The following LRRTM4 variants were observed in gnomAD, a reference collection of about 807,000 sequenced individuals.
LRRTM4 encodes leucine rich repeat transmembrane neuronal 4.
In LRRTM4, 25 loss-of-function variants were observed where a neutral mutation model predicts 47.6. That is an observed-to-expected ratio of 0.53 (90% CI 0.38 to 0.73). The LOEUF is 0.73. LRRTM4 is among the 30% of genes least tolerant of loss of function. The pLI is 0.00. For missense variants in LRRTM4, 638 were observed against 713.4 expected, an observed-to-expected ratio of 0.89 and a Z score of 1.20; for synonymous variants, 311 against 269.5, an observed-to-expected ratio of 1.15 and a Z score of -1.51.
intron 3 of LRRTM4, among the ~76,000 whole-genome samples, chr2:77,212,025 C>T (rs933345576): frequency 1.3e-5 from 2 of 151,988 alleles, no homozygotes; most frequent in Non-Finnish European, 2.9e-5. Flanking sequence ...GCATGTTATG[C>T]ATATTGTGAT....
intron 3 of LRRTM4, among the ~76,000 whole-genome samples, chr2:76,873,029 G>A (rs934278088): frequency 1.3e-5 from 2 of 152,036 alleles, no homozygotes; most frequent in Admixed American, 1.3e-4. Context: ...GTAGAATGAT[G>A]AGCCAAATAA....
At chr2:77,411,693 AT>A (rs1466884185) in intron 3 of LRRTM4, among the ~76,000 whole-genome samples, 3 of 129,858 alleles carry the variant, frequency 2.3e-5, no homozygotes, top group African/African-American at 9.1e-5. Flanking sequence ...GATGGTCTCG[AT>A]CTCCTGACCT....
intron 3 of LRRTM4, among the ~76,000 whole-genome samples, chr2:77,362,170 A>AAAGAAAGAAAGGAAGGAAGGAAGGAAGG (rs1282143102): frequency 1.4e-4 from 19 of 133,594 alleles, no homozygotes; most frequent in African/African-American, 5.9e-4. Flanking sequence ...AGAAAGAAAG[A>AAAGAAAGAAAGGAAGGAAGGAAGGAAGG]AAGGAAGGAA....
intron 3 of LRRTM4, among the ~76,000 whole-genome samples, chr2:77,168,137 C>T (rs536965355): frequency 1.2e-4 from 19 of 152,024 alleles, no homozygotes; most frequent in South Asian, 8.3e-4. Context: ...AAATGGAATC[C>T]GGTGATCTCT....
At position 77,262,312 on chromosome 2, in the gene LRRTM4, T is replaced by C. The variant is rs192802332; in HGVS notation, c.1551+256006A>G. ...AAAACCATTCCCCCACCCCAGTCCA[T>C]AGAAAAATTGTCTTCCACAAAACCA... is the stretch of plus-strand genomic sequence containing the variant. On this transcript the variant is annotated intron_variant, in intron 3 of 3. Transcript: ENST00000409884. Among the ~76,000 whole-genome samples the C allele has an allele frequency of 1.3e-3, 195 of 152,102 alleles. 1 individual carries two copies. The highest frequency in any genetic ancestry group is 2.1e-3 in the South Asian group (10 of 4,824).
chr2:76,936,598 A>G (rs572138014), intron 3 of LRRTM4, among the ~76,000 whole-genome samples: 17 of 151,130 alleles, frequency 1.1e-4, no homozygotes, highest in South Asian at 2.1e-4. Context: ...AAAAAAAAAA[A>G]AAAGAAAGAA....
intron 3 of LRRTM4, among the ~76,000 whole-genome samples, chr2:77,232,160 C>T (rs533956732): frequency 1.3e-5 from 2 of 152,222 alleles, no homozygotes; most frequent in South Asian, 4.1e-4. Context: ...AATACTGAAA[C>T]CCAGACCTGT....
chr2:76,989,732 A>G (rs1482557512), intron 3 of LRRTM4: 1 of 151,972 alleles, frequency 6.6e-6, no homozygotes, highest in East Asian at 1.9e-4. Context: ...GCTTATTATT[A>G]CTATTGTTTT....
intron 3 of LRRTM4, among the ~76,000 whole-genome samples, chr2:77,161,195 G>A (rs926582981): frequency 1.3e-5 from 2 of 152,206 alleles, no homozygotes; most frequent in South Asian, 2.1e-4. Flanking sequence ...AGTCACAAAT[G>A]CTATTGTGAA....
chr2:77,296,970 A>C (rs1466697435), intron 3 of LRRTM4, among the ~76,000 whole-genome samples: 1 of 152,202 alleles, frequency 6.6e-6, no homozygotes, highest in African/African-American at 2.4e-5. Flanking sequence ...GGCTCAGCAC[A>C]GGGGAGCAGA....
intron 3 of LRRTM4, among the ~76,000 whole-genome samples, chr2:77,185,395 CA>C (rs1389398657): frequency 6.6e-6 from 1 of 152,110 alleles, no homozygotes; most frequent in Non-Finnish European, 1.5e-5. Flanking sequence ...CTCCATCCAC[CA>C]GATGCATGCA....
intron 3 of LRRTM4, among the ~76,000 whole-genome samples, chr2:76,927,696 T>A (rs138621098): frequency 6.6e-6 from 1 of 152,144 alleles, no homozygotes; most frequent in African/African-American, 2.4e-5. Context: ...TTTAGTATCC[T>A]TGATTGTGTA....
intron 3 of LRRTM4, among the ~76,000 whole-genome samples, chr2:77,180,251 T>G (rs377361788): frequency 5.9e-5 from 9 of 152,278 alleles, no homozygotes; most frequent in African/African-American, 9.6e-5. Flanking sequence ...TGAGTCCCAG[T>G]ACAGTTTTCT....
chr2:77,462,698 T>C (rs1676835589), intron 3 of LRRTM4, among the ~76,000 whole-genome samples: 1 of 152,046 alleles, frequency 6.6e-6, no homozygotes, highest in South Asian at 2.1e-4. Flanking sequence ...AATGATGAAA[T>C]ACTCCCAAGC....
intron 3 of LRRTM4, among the ~76,000 whole-genome samples, chr2:76,852,491 G>T (rs1005151341): frequency 6.6e-6 from 1 of 152,068 alleles, no homozygotes; most frequent in Non-Finnish European, 1.5e-5. Flanking sequence ...TTACTTTTCT[G>T]AATAGTTTAG....
At chr2:77,402,394 T>C (rs76122710) in intron 3 of LRRTM4, among the ~76,000 whole-genome samples, 4,926 of 151,938 alleles carry the variant, frequency 0.032, 273 homozygotes, top group African/African-American at 0.11. Flanking sequence ...AGCAATTTTC[T>C]TACCTCAGCC....
At chr2:77,230,175 CT>C (rs1674925359) in intron 3 of LRRTM4, among the ~76,000 whole-genome samples, 1 of 152,020 alleles carries the variant, frequency 6.6e-6, no homozygotes, top group Non-Finnish European at 1.5e-5. Flanking sequence ...AAGTCATATC[CT>C]TTGCATTCTT....
At chr2:77,217,988 T>G (rs1674507068) in intron 3 of LRRTM4, among the ~76,000 whole-genome samples, 1 of 152,172 alleles carries the variant, frequency 6.6e-6, no homozygotes, top group African/African-American at 2.4e-5. Flanking sequence ...TTATTTTTTT[T>G]TATTTTATTT....
intron 3 of LRRTM4, among the ~76,000 whole-genome samples, chr2:76,895,309 G>T (rs965217477): frequency 6.6e-6 from 1 of 151,996 alleles, no homozygotes; most frequent in Non-Finnish European, 1.5e-5. Context: ...ACTAGTGAGT[G>T]TACTCTCCAA....
Sources: allele counts gnomAD v4.1 joint callset (sites outside exome capture counted in the v4.1 genomes callset), GRCh38; gene constraint gnomAD v4.1.1; transcripts MANE v1.5; gene names NCBI Gene and HGNC (gene_info 2026-07-23, HGNC 2026-07-21).